Variants in TP73 observed in about 807,000 individuals in gnomAD.
The protein encoded by TP73 is tumor protein p73.
A neutral mutation model predicts 62.5 loss-of-function variants in TP73; 25 were observed. The observed-to-expected ratio is 0.40, with a 90% CI of 0.29 to 0.56. TP73 has a LOEUF of 0.56. Ranked by LOEUF, TP73 falls within the 20% of genes least tolerant of loss-of-function variation. The pLI is 0.46. For synonymous variants in TP73, 423 were observed against 377.5 expected (o/e 1.12, Z -1.40); for missense variants, 754 against 913.3 (o/e 0.83, Z 2.25).
chr1:3,662,759 C>G lies in TP73; in HGVS notation c.-34+10118C>G, dbSNP rs565641006. ...TGTCAGGGCTATGGAGGGGACATTG[C>G]AAGGGGGCCTAGAGGGGCCTCTATG... is the stretch of plus-strand genomic sequence containing the variant. On this transcript the variant is annotated intron_variant, in intron 1 of 13. Coordinates refer to ENST00000378295, the MANE Select transcript of TP73 (RefSeq NM_005427.4). The surrounding 1 kb of genome is among the most constrained non-coding windows in gnomAD (Gnocchi z 4.4). Among the ~76,000 whole-genome samples, 1 of 152,228 alleles carries G rather than the reference C, an allele frequency of 6.6e-6. No homozygotes were observed. The highest frequency in any genetic ancestry group is 6.5e-5 in the Admixed American group (1 of 15,296).
intron 9 of TP73, among the ~76,000 whole-genome samples, chr1:3,729,008 C>G (rs199774995): frequency 7.1e-4 from 56 of 78,620 alleles, no homozygotes; most frequent in Admixed American, 1.7e-3. Context: ...GAGAGAGAGA[C>G]AGAGAGACAG....
At chr1:3,688,399 AC>A (rs1645719730) in intron 3 of TP73, among the ~76,000 whole-genome samples, 1 of 152,172 alleles carries the variant, frequency 6.6e-6, no homozygotes, top group African/African-American at 2.4e-5. Context: ...GCACCAGGAA[AC>A]GAAGTCCCCC....
At position 3,734,857 on chromosome 1, in the gene TP73, T is replaced by A. The variant is rs1013122385; in HGVS notation, c.*1778T>A. 3.9e-5 allele frequency: 6 copies of A among 152,248 alleles called. 1 individual carries two copies. Among genetic ancestry groups the A allele is most frequent in the Admixed American group, 3.3e-4 (5 of 15,274 alleles). 9.4% of individuals were successfully genotyped at this position (152,248 alleles called of 1,614,324 possible). A position where few individuals can be genotyped will look rare whatever the true frequency, so the allele number is the denominator to read the frequency against. On this transcript the variant is annotated 3_prime_UTR_variant, in exon 14 of 14. Transcript: ENST00000378295. The surrounding 1 kb of genome is among the most constrained non-coding windows in gnomAD (Gnocchi z 4.4). ...AACGGGGCTGTCGGCTCTCAGGGGATCTGGCTGCAGCCAGGGCGAGGGCCT... is the reference window on the plus strand; with the variant it reads ...AACGGGGCTGTCGGCTCTCAGGGGAACTGGCTGCAGCCAGGGCGAGGGCCT...
At chr1:3,682,927 G>C in intron 2 of TP73, 133 bp from the exon 3 acceptor site, 4 of 1,252,464 alleles carry the variant, frequency 3.2e-6, no homozygotes, top group Non-Finnish European at 4.4e-6. Flanking sequence ...GATGGGATGA[G>C]AGGGAATGGG....
intron 3 of TP73, among the ~76,000 whole-genome samples, chr1:3,704,666 A>C (rs1291558269): frequency 6.6e-6 from 1 of 152,188 alleles, no homozygotes; most frequent in Admixed American, 6.5e-5. Flanking sequence ...GGCTTCCAGG[A>C]AGGGCCTGGG....
At chr1:3,691,218 T>G (rs1454587053) in intron 3 of TP73, among the ~76,000 whole-genome samples, 1 of 152,068 alleles carries the variant, frequency 6.6e-6, no homozygotes, top group African/African-American at 2.4e-5. Context: ...CCGATGGGGC[T>G]GCTGGTGTTT....
chr1:3,656,755 C>T (rs562635413), intron 1 of TP73, among the ~76,000 whole-genome samples: 1 of 152,362 alleles, frequency 6.6e-6, no homozygotes, highest in East Asian at 1.9e-4. Context: ...CGGAAGGGCC[C>T]TTCCAGAACA....
intron 4 of TP73, among the ~76,000 whole-genome samples, chr1:3,713,719 G>C (rs1452082153): frequency 6.6e-6 from 1 of 152,186 alleles, no homozygotes; most frequent in Non-Finnish European, 1.5e-5. Context: ...TCAGGAAGAG[G>C]GGGACAGACA....
At chr1:3,697,022 G>A (rs1022054318) in intron 3 of TP73, among the ~76,000 whole-genome samples, 1 of 152,190 alleles carries the variant, frequency 6.6e-6, no homozygotes, top group East Asian at 1.9e-4. Flanking sequence ...CCCCTGAGAG[G>A]GGATGGTGCC....
chr1:3,715,019 G>A (rs1160684775), intron 4 of TP73, among the ~76,000 whole-genome samples: 1 of 152,210 alleles, frequency 6.6e-6, no homozygotes, highest in Non-Finnish European at 1.5e-5. Context: ...GACCGGGTGG[G>A]GACTGGGCCC....
At chr1:3,687,703 C>T (rs1215470056) in intron 3 of TP73, among the ~76,000 whole-genome samples, 5 of 152,126 alleles carry the variant, frequency 3.3e-5, no homozygotes, top group Admixed American at 6.5e-5. Flanking sequence ...CCCGTCCTCT[C>T]CCCTCCCCTC....
rs377115631 is a variant in TP73, at chr1:3,707,542, G to T, written c.187-7G>T. 27 of 1,597,586 alleles carry T rather than the reference G, an allele frequency of 1.7e-5. No homozygotes were observed. Among genetic ancestry groups the T allele is most frequent in the South Asian group, 3.3e-5 (3 of 90,720 alleles). On this transcript the variant is annotated splice_polypyrimidine_tract_variant and splice_region_variant and intron_variant, in intron 3 of 13. Transcript: ENST00000378295. ...TTCCCCCTCCCTCCTCCCCTTTCCC[G>T]CGCCAGGCCCAGTTCAATCTGCTGA...
chr1:3,707,657 T>G lies in TP73; in HGVS notation c.295T>G (p.Tyr99Asp). 1 of 1,613,066 alleles carries G rather than the reference T, an allele frequency of 6.2e-7. No individual in the cohort carries two copies. Among genetic ancestry groups the G allele is most frequent in the Non-Finnish European group, 8.5e-7 (1 of 1,179,902 alleles). ...HAASVPTHSP[Y>D]AQPSSTFDTM... ...CGCCAGCGTGCCCACCCACTCGCCC[T>G]ACGCACAACCCAGCTCCACCTTCGA... is the stretch of plus-strand genomic sequence containing the variant. The change falls in exon 4 of 14, where the codon TAC becomes GAC. Residue 99 changes from tyrosine to aspartate, a missense_variant. Transcript: ENST00000378295.
At chr1:3,727,265 G>A in intron 7 of TP73, 41 bp downstream of exon 7, 1 of 1,571,334 alleles carries the variant, frequency 6.4e-7, no homozygotes, top group Non-Finnish European at 8.7e-7. Context: ...GACAGGGCTG[G>A]GCAGGCACGG....
chr1:3,674,131 G>A (rs1645305957), intron 1 of TP73, among the ~76,000 whole-genome samples: 1 of 152,194 alleles, frequency 6.6e-6, no homozygotes. Flanking sequence ...ATTTCACTTG[G>A]CTGAGTGTGA....
chr1:3,687,307 A>G (rs1205797576), intron 3 of TP73, among the ~76,000 whole-genome samples: 1 of 152,148 alleles, frequency 6.6e-6, no homozygotes, highest in South Asian at 2.1e-4. Context: ...TCCCTGAATG[A>G]GGAAGGCTTG....
intron 3 of TP73, among the ~76,000 whole-genome samples, chr1:3,707,260 G>A (rs1465173712): frequency 1.3e-5 from 2 of 152,134 alleles, no homozygotes; most frequent in African/African-American, 2.4e-5. Context: ...TCCCCCACCC[G>A]ACGCCTCCCC....
intron 1 of TP73, among the ~76,000 whole-genome samples, chr1:3,661,787 A>G (rs1426470127): frequency 2.0e-5 from 3 of 148,020 alleles, no homozygotes; most frequent in South Asian, 4.2e-4. Flanking sequence ...TGTATTATAT[A>G]TATACATACA....
chr1:3,703,273 A>G (rs1639364137), intron 3 of TP73, among the ~76,000 whole-genome samples: 1 of 152,110 alleles, frequency 6.6e-6, no homozygotes, highest in Admixed American at 6.5e-5. Context: ...TGGGCAGAGG[A>G]CAGGCCCAGT....
Sources: gnomAD v4.1 joint callset for allele counts (sites outside exome capture counted in the v4.1 genomes callset) on GRCh38, gnomAD v4.1.1 for gene constraint, Gnocchi (gnomAD v3.1) non-coding constraint, MANE v1.5 for transcripts, NCBI Gene and HGNC (gene_info 2026-07-23, HGNC 2026-07-21) for gene names.